The following LRP1B variants were observed in gnomAD, a reference collection of about 807,000 sequenced individuals.
The protein encoded by LRP1B is low-density lipoprotein receptor-related protein 1B.
A neutral mutation model predicts 556.6 loss-of-function variants in LRP1B; 217 were observed. That is an observed-to-expected ratio of 0.39 (90% CI 0.35 to 0.44). The LOEUF (loss-of-function observed/expected upper bound fraction) is 0.44, where lower values mean the gene tolerates loss of function less well. Among genes scored for constraint, LRP1B ranks in the 20% least tolerant of loss-of-function variants. LRP1B has a pLI of 1.00. For synonymous variants in LRP1B, 2,047 were observed against 1,865.8 expected (o/e 1.10, Z -2.50); for missense variants, 5,053 against 5,620.8 (o/e 0.90, Z 3.23).
chr2:141,964,989 G>T (rs1301474579), intron 1 of LRP1B, among the ~76,000 whole-genome samples: 1 of 146,568 alleles, frequency 6.8e-6, no homozygotes, highest in African/African-American at 2.5e-5. Context: ...AAAAACACAT[G>T]AAAAAATGCT....
In LRP1B at chr2:141,200,838, C is replaced by G. The variant is rs145071012; in HGVS notation, c.851-12255G>C. Among the ~76,000 whole-genome samples the G allele has an allele frequency of 7.4e-3, 1,129 of 152,206 alleles. 6 individuals are homozygous for G. The highest frequency in any genetic ancestry group is 0.013 in the Non-Finnish European group (869 of 68,010). On this transcript the variant is annotated intron_variant, in intron 6 of 90. Coordinates refer to ENST00000389484, the MANE Select transcript of LRP1B (RefSeq NM_018557.3). ...CCAAAACCCAGAACTGTGTATAGCCCATAGTAAGTGTTCCGTGAATATTTA... is the reference window on the plus strand; with the variant it reads ...CCAAAACCCAGAACTGTGTATAGCCGATAGTAAGTGTTCCGTGAATATTTA...
rs55884730 is a variant in LRP1B at position 140,672,482 on chromosome 2, T to TAAAA, written c.6799+27764_6799+27767dup. Among the ~76,000 whole-genome samples the TAAAA allele has an allele frequency of 9.2e-4, 75 of 81,566 alleles. 2 individuals are homozygous for TAAAA. Among genetic ancestry groups the TAAAA allele is most frequent in the African/African-American group, 3.6e-3 (65 of 18,260 alleles). 53.5% of individuals were successfully genotyped at this position (81,566 alleles called of 152,430 possible). On this transcript the variant is annotated intron_variant, in intron 41 of 90. Coordinates refer to ENST00000389484, the MANE Select transcript of LRP1B (RefSeq NM_018557.3). ...CTGGGTGACAGAATGAGACTCCATC[T>TAAAA]AAAAAAAAAAAAAAAAAAAAAAAAA...
chr2:141,475,963 A>G (rs1682689644), intron 3 of LRP1B, among the ~76,000 whole-genome samples: 1 of 152,182 alleles, frequency 6.6e-6, no homozygotes, highest in Admixed American at 6.5e-5. Context: ...CTGGGTACTA[A>G]GAGGGCACCC....
intron 58 of LRP1B, 148 bp downstream of exon 58, chr2:140,487,469 A>C: frequency 1.7e-6 from 1 of 590,304 alleles, no homozygotes; most frequent in East Asian, 3.2e-5. Flanking sequence ...TTCATATTTA[A>C]AGTTTTAATC....
intron 1 of LRP1B, among the ~76,000 whole-genome samples, chr2:141,977,118 A>G (rs1469331520): frequency 2.6e-5 from 4 of 152,186 alleles, no homozygotes; most frequent in African/African-American, 9.6e-5. Flanking sequence ...AATATAATTA[A>G]TAAACTCAGA....
chr2:141,830,754 T>C (rs1378903914), intron 1 of LRP1B, among the ~76,000 whole-genome samples: 1 of 151,786 alleles, frequency 6.6e-6, no homozygotes, highest in Admixed American at 6.6e-5. Flanking sequence ...TTTAATACAT[T>C]TGACCTCCTG....
chr2:140,588,968 A>G (rs1574112915), intron 43 of LRP1B, among the ~76,000 whole-genome samples: 1 of 20,892 alleles, frequency 4.8e-5, no homozygotes, highest in South Asian at 2.7e-3. Context: ...GTCTCAAAGA[A>G]AAAAAAAAAA....
chr2:140,322,571 G>A (rs1680201699), intron 81 of LRP1B, among the ~76,000 whole-genome samples: 1 of 152,022 alleles, frequency 6.6e-6, no homozygotes, highest in Non-Finnish European at 1.5e-5. Flanking sequence ...TAGCTTGTCA[G>A]TACAAGGTAT....
At chr2:140,666,188 C>G (rs1032848679) in intron 41 of LRP1B, among the ~76,000 whole-genome samples, 1 of 151,292 alleles carries the variant, frequency 6.6e-6, no homozygotes, top group East Asian at 2.0e-4. Context: ...AGAGGCGGGG[C>G]TTCACCATCT....
intron 1 of LRP1B, among the ~76,000 whole-genome samples, chr2:141,949,278 A>G (rs1385954251): frequency 2.0e-5 from 3 of 152,162 alleles, no homozygotes; most frequent in Non-Finnish European, 4.4e-5. Context: ...ACCATGATCT[A>G]TTTCAGCATT....
At chr2:141,679,307 G>A (rs890960164) in intron 2 of LRP1B, among the ~76,000 whole-genome samples, 1 of 152,128 alleles carries the variant, frequency 6.6e-6, no homozygotes, top group African/African-American at 2.4e-5. Flanking sequence ...GCCAAGCCTG[G>A]AATCGTAATC....
chr2:141,810,940 A>T (rs781598783), intron 1 of LRP1B, among the ~76,000 whole-genome samples: 26 of 150,734 alleles, frequency 1.7e-4, no homozygotes, highest in Admixed American at 4.0e-4. Flanking sequence ...TTTTTTTTCC[A>T]TGACTTCCAA....
intron 1 of LRP1B, among the ~76,000 whole-genome samples, chr2:142,033,619 ACTGGTC>A (rs1703778101): frequency 6.6e-6 from 1 of 151,606 alleles, no homozygotes; most frequent in Admixed American, 6.6e-5. Flanking sequence ...CATAAAGCAG[ACTGGTC>A]ATAGTTGTTT....
intron 2 of LRP1B, among the ~76,000 whole-genome samples, chr2:141,672,227 T>C (rs1396714866): frequency 6.6e-6 from 1 of 151,100 alleles, no homozygotes; most frequent in Non-Finnish European, 1.5e-5. Flanking sequence ...ATGGCTAGAG[T>C]TTCCTTGAAG....
At chr2:141,276,523 C>G (rs1032762123) in intron 3 of LRP1B, among the ~76,000 whole-genome samples, 1 of 152,102 alleles carries the variant, frequency 6.6e-6, no homozygotes, top group Non-Finnish European at 1.5e-5. Flanking sequence ...GTTTAACTCC[C>G]ATTTACTAGT....
intron 2 of LRP1B, among the ~76,000 whole-genome samples, chr2:141,757,182 T>G (rs980229882): frequency 6.6e-6 from 1 of 152,190 alleles, no homozygotes; most frequent in East Asian, 1.9e-4. Flanking sequence ...AGTAGAAATT[T>G]TTTTAAGTCC....
intron 7 of LRP1B, among the ~76,000 whole-genome samples, chr2:141,149,015 G>T (rs1303515829): frequency 6.6e-6 from 1 of 152,030 alleles, no homozygotes; most frequent in Admixed American, 6.6e-5. Flanking sequence ...CTTAACCCTG[G>T]GAAGCAGAGG....
chr2:141,578,542 G>C (rs979087744), intron 2 of LRP1B, among the ~76,000 whole-genome samples: 7 of 152,050 alleles, frequency 4.6e-5, no homozygotes, highest in African/African-American at 1.4e-4. Context: ...ATACCCAAAG[G>C]CCTAGTCATT....
intron 37 of LRP1B, among the ~76,000 whole-genome samples, chr2:140,710,184 C>T (rs972283039): frequency 3.9e-5 from 6 of 151,990 alleles, no homozygotes; most frequent in African/African-American, 1.4e-4. Flanking sequence ...GATCCTCCTG[C>T]TGAGTCAGTG....
Sources: gnomAD v4.1 joint callset for allele counts (sites outside exome capture counted in the v4.1 genomes callset) on GRCh38, gnomAD v4.1.1 for gene constraint, MANE v1.5 for transcripts, NCBI Gene and HGNC (gene_info 2026-07-23, HGNC 2026-07-21) for gene names.